The following NBPF26 variants were observed in gnomAD, a reference collection of about 807,000 sequenced individuals.
The protein encoded by NBPF26 is NBPF family member NBPF26.
NBPF26 carries 79 observed loss-of-function variants against 119.6 expected under a neutral mutation model. The observed-to-expected ratio is 0.66, with a 90% confidence interval of 0.55 to 0.80. The LOEUF (loss-of-function observed/expected upper bound fraction) is 0.80. NBPF26 is among the 30% of genes least tolerant of loss of function. The probability of loss-of-function intolerance (pLI) is 0.00; values close to 1 mark genes in which losing one functional copy is unlikely to be tolerated. For missense variants in NBPF26, 800 were observed against 1,198.2 expected (o/e 0.67, Z 4.91); for synonymous variants, 299 against 457.7 (o/e 0.65, Z 4.43).
intron 2 of NBPF26, among the ~76,000 whole-genome samples, chr1:120,778,627 A>T (rs1385297140): frequency 1.5e-5 from 1 of 66,026 alleles, no homozygotes; most frequent in African/African-American, 1.3e-4. Context: ...AAAAAAAAAA[A>T]AAAAAGCTAA....
Position 120,776,261 on chromosome 1 carries a change from G to A in NBPF26, c.156-8713G>A, listed in dbSNP as rs1388527463. ...TTATTAAGAACAGAGGGGGTATCAA[G>A]GCTGTTTTTCACAGGAAATAACATT... On this transcript the variant is annotated intron_variant, in intron 2 of 29. Transcript: ENST00000620612. 1.2e-4 allele frequency among the ~76,000 whole-genome samples: 14 copies of A among 114,490 alleles called. 4 individuals are homozygous for A. The South Asian group carries it at 2.8e-3, about 23-fold the overall frequency. 75.1% of individuals were successfully genotyped at this position (114,490 alleles called of 152,430 possible). A position where few individuals can be genotyped will look rare whatever the true frequency, so the allele number is the denominator to read the frequency against.
chr1:120,801,804 G>A (rs1651584978), intron 4 of NBPF26, among the ~76,000 whole-genome samples: 1 of 58,080 alleles, frequency 1.7e-5, no homozygotes, highest in Non-Finnish European at 2.8e-5. Flanking sequence ...TCCAGCCTGG[G>A]TGACAGAACA....
chr1:120,840,245 C>G lies in NBPF26; in HGVS notation c.4104-105C>G, dbSNP rs1424195340. ...TTTTTACCTCATTAATGGATCTATC[C>G]TTTTTCTTTTCTAACCACTTCCTTA... is the stretch of plus-strand genomic sequence containing the variant. On this transcript the variant is annotated intron_variant, in intron 29 of 29. Coordinates refer to ENST00000620612, the Ensembl canonical transcript of NBPF26. The G allele has an allele frequency of 7.9e-6, 11 of 1,399,906 alleles. 1 individual carries two copies. The highest frequency in any genetic ancestry group is 8.5e-6 in the Non-Finnish European group (9 of 1,054,352). 86.7% of individuals were successfully genotyped at this position (1,399,906 alleles called of 1,614,324 possible). A position where few individuals can be genotyped will look rare whatever the true frequency, so the allele number is the denominator to read the frequency against.
At chr1:120,752,556 T>TA (rs1651033843) in intron 1 of NBPF26, among the ~76,000 whole-genome samples, 3 of 8,146 alleles carry the variant, frequency 3.7e-4, no homozygotes, top group East Asian at 0.011. Context: ...ATATATATAT[T>TA]TTTTTTTTTT....
rs1553271044 is a variant in NBPF26 at position 120,811,967 on chromosome 1, A to G, written c.1646A>G (p.Asn549Ser). ...TTGTCCGGCGAGAAGGCAGCGATAA[A>G]CATTCTAGAAATCAATGAGAAATTG... The change falls in exon 10 of 30, where the codon AAC becomes AGC. Residue 549 changes from asparagine (N) to serine (S), a missense_variant. Physicochemically the swap from Asn to Ser is conservative, Grantham distance 46 (BLOSUM62 1). This residue lies in a region of NBPF26 where 72 missense variants were observed against 81.1 expected (regional missense o/e 0.89). Transcript: ENST00000620612. 1.8e-4 allele frequency: 219 copies of G among 1,236,642 alleles called. 50 individuals are homozygous for G. Among genetic ancestry groups the G allele is most frequent in the Non-Finnish European group, 2.4e-4 (212 of 896,674 alleles). The allele number at this position is 1,236,642 out of a possible 1,614,324, so 76.6% of individuals were successfully genotyped here.
In NBPF26 at chr1:120,811,544, C is replaced by G. The variant is rs1651866458; in HGVS notation, c.1565-342C>G. Among the ~76,000 whole-genome samples the G allele has an allele frequency of 5.3e-5, 6 of 112,856 alleles. 2 individuals are homozygous for G. In the South Asian group the frequency reaches 1.5e-3, roughly 28 times the overall value. The allele number at this position is 112,856 out of a possible 152,430, so 74.0% of individuals were successfully genotyped here. A position where few individuals can be genotyped will look rare whatever the true frequency, so the allele number is the denominator to read the frequency against. On this transcript the variant is annotated intron_variant, in intron 9 of 29. Coordinates refer to ENST00000620612, the Ensembl canonical transcript of NBPF26. ...TGCGCGACAGAGTGAGACTCCGTCT[C>G]AAACAAAAAAACCAAAAAAGAAAAT... is the stretch of plus-strand genomic sequence containing the variant.
chr1:120,775,702 T>C lies in NBPF26; in HGVS notation c.156-9272T>C, dbSNP rs1273900687. Among the ~76,000 whole-genome samples, 2 of 65,808 alleles carry C rather than the reference T, an allele frequency of 3.0e-5. 1 individual carries two copies. Among genetic ancestry groups the C allele is most frequent in the African/African-American group, 3.1e-4 (2 of 6,502 alleles). 43.2% of individuals were successfully genotyped at this position (65,808 alleles called of 152,430 possible). A position where few individuals can be genotyped will look rare whatever the true frequency, so the allele number is the denominator to read the frequency against. ...CTATTGAGACCACTTTGTAGGATTTTTTTTTTTTTTAGTCAGGGCTCCAGG... is the reference window on the plus strand; with the variant it reads ...CTATTGAGACCACTTTGTAGGATTTCTTTTTTTTTTAGTCAGGGCTCCAGG... On this transcript the variant is annotated intron_variant, in intron 2 of 29. Transcript: ENST00000620612.
At chr1:120,805,592 T>C (rs1553269697) in exon 5 of NBPF26, 8 of 1,458,738 alleles carry the variant, frequency 5.5e-6, no homozygotes, top group African/African-American at 2.0e-5. Context: ...AACGTCAGCA[T>C]GGTGGTATCA....
chr1:120,752,568 TTTTTTTC>T (rs1651035164), intron 1 of NBPF26, among the ~76,000 whole-genome samples: 2 of 28,880 alleles, frequency 6.9e-5, no homozygotes, highest in Admixed American at 3.9e-4. Context: ...TTTTTTTTTT[TTTTTTTC>T]TTTTTTTTTT....
At chr1:120,817,916 A>T (rs1363273329) in intron 14 of NBPF26, among the ~76,000 whole-genome samples, 2 of 115,866 alleles carry the variant, frequency 1.7e-5, no homozygotes, top group Non-Finnish European at 3.3e-5. Flanking sequence ...GTCTACACAT[A>T]GAGGGAGATT....
chr1:120,811,304 G>A, intron 9 of NBPF26, among the ~76,000 whole-genome samples: 1 of 109,398 alleles, frequency 9.1e-6, no homozygotes, highest in Non-Finnish European at 1.8e-5. Flanking sequence ...CCAACACTTT[G>A]GGAGGCCGAG....
rs1227991059 is a variant in NBPF26, at chr1:120,793,203, G to T, written c.458G>T (p.Cys153Phe). ...ACCGATGCCTGCCTGTCTCATCTCT[G>T]TGCAAATGGAAGTACCTGTACCACT... Residue 153 changes from cysteine to phenylalanine, a missense_variant, in exon 4 of 30, where the codon TGT (cysteine) becomes TTT (phenylalanine). By Grantham distance (205) the Cys-to-Phe change is radical. Transcript: ENST00000620612. 7 of 1,442,048 alleles carry T rather than the reference G, an allele frequency of 4.9e-6. 2 individuals carry two copies. Among genetic ancestry groups the T allele is most frequent in the Middle Eastern group, 3.5e-4 (2 of 5,648 alleles). 89.3% of individuals were successfully genotyped at this position (1,442,048 alleles called of 1,614,324 possible). A position where few individuals can be genotyped will look rare whatever the true frequency, so the allele number is the denominator to read the frequency against.
intron 2 of NBPF26, among the ~76,000 whole-genome samples, chr1:120,770,310 T>G (rs1163119136): frequency 9.5e-6 from 1 of 105,814 alleles, no homozygotes; most frequent in Non-Finnish European, 1.7e-5. Flanking sequence ...GCCGGGACTA[T>G]AAGCGCCCGC....
intron 1 of NBPF26, among the ~76,000 whole-genome samples, chr1:120,742,360 G>A: frequency 3.2e-5 from 1 of 31,268 alleles, no homozygotes; most frequent in Non-Finnish European, 5.0e-5. Flanking sequence ...TGTGTGTTGG[G>A]AGGAGGAATA....
Position 120,783,695 on chromosome 1 carries a change from A to G in NBPF26, c.156-1279A>G, listed in dbSNP as rs1651391151. Among the ~76,000 whole-genome samples the G allele has an allele frequency of 1.7e-5, 2 of 116,850 alleles. 1 individual carries two copies. Among genetic ancestry groups the G allele is most frequent in the Non-Finnish European group, 3.3e-5 (2 of 61,058 alleles). The allele number at this position is 116,850 out of a possible 152,430, so 76.7% of individuals were successfully genotyped here. A position where few individuals can be genotyped will look rare whatever the true frequency, so the allele number is the denominator to read the frequency against. Reference sequence around the variant, plus strand: ...TGTTTAAAACCAAGTGAACAACAGTAACAAATGCATTTGAGAGAAAGAGCA... The same window carrying G: ...TGTTTAAAACCAAGTGAACAACAGTGACAAATGCATTTGAGAGAAAGAGCA... On this transcript the variant is annotated intron_variant, in intron 2 of 29. Coordinates refer to ENST00000620612, the Ensembl canonical transcript of NBPF26.
chr1:120,764,159 G>A (rs1248330946), intron 2 of NBPF26, among the ~76,000 whole-genome samples: 3,431 of 112,170 alleles, frequency 0.031, 582 homozygotes, highest in African/African-American at 0.11. Context: ...AGGCAGGAGA[G>A]TGACTTGAAC....
chr1:120,820,460 A>G (rs1294748676), intron 15 of NBPF26, among the ~76,000 whole-genome samples: 11 of 16,910 alleles, frequency 6.5e-4, no homozygotes, highest in African/African-American at 2.5e-3. Flanking sequence ...ATATATATAT[A>G]TATATATATA....
At chr1:120,764,140 G>T (rs1399914506) in intron 2 of NBPF26, among the ~76,000 whole-genome samples, 1 of 112,264 alleles carries the variant, frequency 8.9e-6, no homozygotes, top group Non-Finnish European at 1.7e-5. Context: ...CCAGCTACTC[G>T]GGAGGCTGAG....
rs1553272314 is a variant in NBPF26 at position 120,823,640 on chromosome 1, T to A, written c.2639+280T>A. Among the ~76,000 whole-genome samples, 35 of 125,232 alleles carry A rather than the reference T, an allele frequency of 2.8e-4. 1 individual carries two copies. In the East Asian group the frequency reaches 6.9e-3, roughly 25 times the overall value. The allele number at this position is 125,232 out of a possible 152,430, so 82.2% of individuals were successfully genotyped here. The stretch of plus-strand genomic sequence containing the variant: ...TTGACCACATTTTACGCAAAATTAT[T>A]GAGGACATGCTTTTCATGATCACTG... On this transcript the variant is annotated intron_variant, in intron 17 of 29. Coordinates refer to ENST00000620612, the Ensembl canonical transcript of NBPF26.
Sources: allele counts gnomAD v4.1 joint callset (sites outside exome capture counted in the v4.1 genomes callset), GRCh38; gene constraint gnomAD v4.1.1; regional missense constraint gnomAD v4.1.1; transcripts MANE v1.5; gene names NCBI Gene and HGNC (gene_info 2026-07-23, HGNC 2026-07-21).